RNF17: variants seen among roughly 807,000 people sequenced by gnomAD.
RNF17 encodes the protein spermatogenesis associated 23.
In RNF17, 31 loss-of-function variants were observed where a neutral mutation model predicts 200.5. The ratio of observed to expected loss-of-function variants is 0.15; its 90% CI spans 0.12 to 0.21. RNF17 has a LOEUF of 0.21. Among genes scored for constraint, RNF17 ranks in the 10% least tolerant of loss-of-function variants. RNF17 has a pLI of 1.00. For synonymous variants in RNF17, 606 were observed against 637.8 expected, an observed-to-expected ratio of 0.95 and a Z score of 0.75; for missense variants, 1,628 against 1,905.1, an observed-to-expected ratio of 0.85 and a Z score of 2.71.
At chr13:24,748,214 T>C in the RNF17 span, among the ~76,000 whole-genome samples, 1 of 152,228 alleles carries the variant, frequency 6.6e-6, no homozygotes, top group Admixed American at 6.5e-5. Flanking sequence ...CCCTGTGGCT[T>C]TGGGAAACCT....
chr13:24,886,748 A>AAGAC, the RNF17 span, among the ~76,000 whole-genome samples: 1 of 152,218 alleles, frequency 6.6e-6, no homozygotes, highest in Admixed American at 6.5e-5. Context: ...CTTTAGAGAA[A>AAGAC]AGACTAGAAT....
At chr13:24,841,506 A>G (rs1223367772) in intron 18 of RNF17, among the ~76,000 whole-genome samples, 2 of 152,216 alleles carry the variant, frequency 1.3e-5, no homozygotes, top group African/African-American at 2.4e-5. Flanking sequence ...GCACACAGTA[A>G]CCTAAAATAA....
At chr13:24,794,617 A>G (rs1166375499) in intron 10 of RNF17, among the ~76,000 whole-genome samples, 2 of 152,082 alleles carry the variant, frequency 1.3e-5, no homozygotes, top group African/African-American at 2.4e-5. Flanking sequence ...GGAGGTAGCA[A>G]TGAGCTGAGA....
At chr13:24,836,758 T>G (rs552815034) in intron 18 of RNF17, among the ~76,000 whole-genome samples, 20 of 152,000 alleles carry the variant, frequency 1.3e-4, no homozygotes, top group African/African-American at 4.8e-4. Context: ...AAACAGAATC[T>G]CTTCAGAGCA....
chr13:24,857,334 A>G (rs1364765415), intron 25 of RNF17, among the ~76,000 whole-genome samples: 4 of 141,800 alleles, frequency 2.8e-5, no homozygotes, highest in Non-Finnish European at 4.8e-5. Flanking sequence ...AAGAGTGACA[A>G]TGACACGTGG....
At chr13:24,833,074 A>T (rs1366427602) in intron 18 of RNF17, among the ~76,000 whole-genome samples, 1 of 152,122 alleles carries the variant, frequency 6.6e-6, no homozygotes, top group Admixed American at 6.6e-5. Context: ...TGATATTTTG[A>T]TCAGTTCCAA....
chr13:24,811,382 T>C (rs1435723201), intron 15 of RNF17, among the ~76,000 whole-genome samples: 1 of 152,152 alleles, frequency 6.6e-6, no homozygotes, highest in Non-Finnish European at 1.5e-5. Flanking sequence ...CTCGCTTCAT[T>C]TCATTCATTT....
At chr13:24,847,479 G>C (rs1480556690) in intron 22 of RNF17, among the ~76,000 whole-genome samples, 1 of 151,750 alleles carries the variant, frequency 6.6e-6, no homozygotes, top group Non-Finnish European at 1.5e-5. Flanking sequence ...CCGAGTAGCT[G>C]GAATTACAGG....
At chr13:24,866,254 A>G in intron 30 of RNF17, 51 bp downstream of exon 30, 1 of 968,466 alleles carries the variant, frequency 1.0e-6, no homozygotes, top group Non-Finnish European at 1.6e-6. Context: ...CATTAATAAA[A>G]AGGATCTGAT....
upstream of RNF17, among the ~76,000 whole-genome samples, chr13:24,762,400 A>G (rs942250605): frequency 3.2e-4 from 48 of 149,912 alleles, no homozygotes; most frequent in African/African-American, 1.2e-3. Flanking sequence ...AAAAGAGAAT[A>G]TGAATTGATG....
At chr13:24,764,090 A>G, upstream of RNF17, 3 of 1,039,294 alleles carry the variant, frequency 2.9e-6, no homozygotes, top group Non-Finnish European at 4.2e-6. Context: ...GCGGGCTTTA[A>G]TCTCCCGGCC....
intron 22 of RNF17, among the ~76,000 whole-genome samples, chr13:24,846,176 G>T (rs942137347): frequency 6.6e-6 from 1 of 152,172 alleles, no homozygotes; most frequent in Non-Finnish European, 1.5e-5. Context: ...CCATGTCTAG[G>T]CTGCCCCATC....
At chr13:24,767,039 A>C (rs898412563) in intron 1 of RNF17, among the ~76,000 whole-genome samples, 1 of 152,156 alleles carries the variant, frequency 6.6e-6, no homozygotes, top group African/African-American at 2.4e-5. Flanking sequence ...ACATTAACAC[A>C]CTGTGGGCAG....
At chr13:24,850,570 A>C in intron 23 of RNF17, 127 bp downstream of exon 23, 1 of 616,118 alleles carries the variant, frequency 1.6e-6, no homozygotes, top group East Asian at 2.9e-5. Context: ...TGTCGGTTTT[A>C]TTTCAAAGTA....
intron 17 of RNF17, 134 bp from the exon 18 acceptor site, chr13:24,831,724 C>T (rs1278130815): frequency 2.6e-6 from 2 of 769,992 alleles, no homozygotes; most frequent in Non-Finnish European, 4.1e-6. Flanking sequence ...CACCTTCACA[C>T]ATTATTTGAT....
At chr13:24,800,748 A>G (rs1346551907) in intron 13 of RNF17, among the ~76,000 whole-genome samples, 1 of 152,210 alleles carries the variant, frequency 6.6e-6, no homozygotes, top group African/African-American at 2.4e-5. Flanking sequence ...ATAAGCATAT[A>G]TTAACATAAT....
chr13:24,872,119 CCTGT>C (rs1398092970), intron 32 of RNF17, among the ~76,000 whole-genome samples: 3 of 151,786 alleles, frequency 2.0e-5, no homozygotes, highest in Non-Finnish European at 1.5e-5. Flanking sequence ...CATCACCTCG[CCTGT>C]CTAATTTTGT....
intron 1 of RNF17, among the ~76,000 whole-genome samples, chr13:24,764,904 TGTGTGTG>T (rs1274977559): frequency 1.8e-5 from 1 of 54,512 alleles, no homozygotes; most frequent in African/African-American, 5.2e-5. Context: ...TGTGTGTGTG[TGTGTGTG>T]TGTGTGTGTG....
chr13:24,793,468 A>G (rs1374290640), intron 10 of RNF17, 122 bp downstream of exon 10: 2 of 926,310 alleles, frequency 2.2e-6, no homozygotes, highest in Admixed American at 3.0e-5. Flanking sequence ...ATTCCTCATT[A>G]TGAGTTAAAA....
Sources: allele counts gnomAD v4.1 joint callset (sites outside exome capture counted in the v4.1 genomes callset), GRCh38; gene constraint gnomAD v4.1.1; transcripts MANE v1.5; gene names NCBI Gene and HGNC (gene_info 2026-07-23, HGNC 2026-07-21).